The following RORA variants were observed in gnomAD, a reference collection of about 807,000 sequenced individuals.
The protein encoded by RORA is RAR related orphan receptor A, also known as nuclear receptor ROR-alpha.
In RORA, 7 loss-of-function variants were observed where a neutral mutation model predicts 69.5. The observed-to-expected ratio is 0.10, with a 90% CI of 0.06 to 0.19. The LOEUF is 0.19. Ranked by LOEUF, RORA falls within the 10% of genes least tolerant of loss-of-function variation. The pLI, the probability that RORA is intolerant of heterozygous loss-of-function variation, is 1.00. For synonymous variants in RORA, 261 were observed against 240.8 expected, an observed-to-expected ratio of 1.08 and a Z score of -0.78; for missense variants, 457 against 663.0, an observed-to-expected ratio of 0.69 and a Z score of 3.41.
At chr15:60,954,927 T>C (rs1373416398) in intron 1 of RORA, among the ~76,000 whole-genome samples, 1 of 152,198 alleles carries the variant, frequency 6.6e-6, no homozygotes, top group African/African-American at 2.4e-5. Flanking sequence ...CAATACATAC[T>C]TACTGAGGAA....
chr15:60,528,987 G>C (rs1283000594), intron 3 of RORA: 1 of 152,130 alleles, frequency 6.6e-6, no homozygotes, highest in East Asian at 1.9e-4. Flanking sequence ...GGATGAACTA[G>C]GAAGAGCCAG....
Position 60,628,560 on chromosome 15 carries a change from G to T in RORA, c.196+50097C>A, listed in dbSNP as rs141401340. On this transcript the variant is annotated intron_variant, in intron 2 of 10. Transcript: ENST00000335670. The stretch of plus-strand genomic sequence containing the variant: ...TTACATTTTTTTAAATACAGACAGG[G>T]TCTTGCCATCTTGCCAGGCTTGGTT... 7.2e-5 allele frequency among the ~76,000 whole-genome samples: 11 copies of T among 152,194 alleles called. No individual in the cohort carries two copies. The East Asian group carries it at 2.1e-3, about 29-fold the overall frequency.
intron 1 of RORA, among the ~76,000 whole-genome samples, chr15:60,810,238 G>T (rs2072722617): frequency 6.6e-6 from 1 of 152,152 alleles, no homozygotes; most frequent in South Asian, 2.1e-4. Context: ...GTTAGATAGA[G>T]AATTCTACAC....
intron 1 of RORA, among the ~76,000 whole-genome samples, chr15:61,137,552 A>C (rs2079257490): frequency 2.0e-4 from 1 of 4,962 alleles, no homozygotes; most frequent in South Asian, 0.12. Context: ...AAGTGGCATC[A>C]GCTTGCAGCA....
chr15:61,046,786 G>A (rs1324084241), intron 1 of RORA, among the ~76,000 whole-genome samples: 2 of 152,206 alleles, frequency 1.3e-5, no homozygotes, highest in East Asian at 3.9e-4. Context: ...GCCTTCAACA[G>A]AGAGGGAAGA....
At chr15:60,578,796 C>T (rs1379005141) in intron 2 of RORA, among the ~76,000 whole-genome samples, 4 of 146,758 alleles carry the variant, frequency 2.7e-5, no homozygotes, top group Non-Finnish European at 6.0e-5. Context: ...CAGAGTCTCG[C>T]TCTGTTGCCC....
At chr15:60,856,059 G>T (rs1309649731) in intron 1 of RORA, among the ~76,000 whole-genome samples, 3 of 152,096 alleles carry the variant, frequency 2.0e-5, no homozygotes, top group Non-Finnish European at 4.4e-5. Context: ...GCAACCTCAA[G>T]GGATCCTTAA....
At chr15:61,108,912 T>C (rs1269364319) in intron 1 of RORA, among the ~76,000 whole-genome samples, 1 of 152,162 alleles carries the variant, frequency 6.6e-6, no homozygotes, top group Non-Finnish European at 1.5e-5. Flanking sequence ...CATATGATGA[T>C]AACAGGTCAG....
intron 1 of RORA, among the ~76,000 whole-genome samples, chr15:60,996,061 CTTGTTTTTT>C (rs1456435930): frequency 7.1e-6 from 1 of 139,968 alleles, no homozygotes; most frequent in Non-Finnish European, 1.6e-5. Flanking sequence ...TGATCTAGAT[CTTGTTTTTT>C]GTTTTTTTTT....
rs562965968 is a variant in RORA, at chr15:61,016,318, T to A, written c.166+212735A>T. Reference sequence around the variant, plus strand: ...TCCTAGCAAATGCTAGCCACTAATATTATGGTTGCCGTCATCATTGCTTCT... The same window carrying A: ...TCCTAGCAAATGCTAGCCACTAATAATATGGTTGCCGTCATCATTGCTTCT... On this transcript the variant is annotated intron_variant, in intron 1 of 10. Transcript: ENST00000335670. Among the ~76,000 whole-genome samples the A allele has an allele frequency of 2.1e-4, 32 of 152,278 alleles. No homozygotes were observed. The South Asian group carries it at 6.2e-3, about 30-fold the overall frequency.
rs56774445 is a variant in RORA, at chr15:60,597,512, TACACACACACACAC to T, written c.197-65675_197-65662del. ...CTATACCTGGCAGTGGTACAGGAGA[TACACACACACACAC>T]ACACACACACACACACACACACAAC... On this transcript the variant is annotated intron_variant, in intron 2 of 10. Coordinates refer to ENST00000335670, the MANE Select transcript of RORA (RefSeq NM_134261.3). 1.9e-3 allele frequency among the ~76,000 whole-genome samples: 83 copies of T among 43,204 alleles called. 3 individuals carry two copies. The highest frequency in any genetic ancestry group is 0.04 in the Middle Eastern group (2 of 50). 28.3% of individuals were successfully genotyped at this position (43,204 alleles called of 152,430 possible).
chr15:60,549,913 A>G (rs752120784), intron 2 of RORA, among the ~76,000 whole-genome samples: 2 of 152,352 alleles, frequency 1.3e-5, no homozygotes, highest in Non-Finnish European at 2.9e-5. Flanking sequence ...AACATAGCTC[A>G]TTTTATGAAA....
At chr15:60,653,866 G>A (rs565363629) in intron 2 of RORA, among the ~76,000 whole-genome samples, 1 of 152,046 alleles carries the variant, frequency 6.6e-6, no homozygotes, top group East Asian at 1.9e-4. Flanking sequence ...TTTGCCTAAT[G>A]TTATGATTTG....
intron 2 of RORA, among the ~76,000 whole-genome samples, chr15:60,646,198 T>C (rs2140685376): frequency 6.6e-6 from 1 of 152,316 alleles, no homozygotes; most frequent in South Asian, 2.1e-4. Flanking sequence ...AATATGGGGG[T>C]AAACTCTGAA....
chr15:60,615,159 G>T, intron 2 of RORA: 2 of 1,147,042 alleles, frequency 1.7e-6, no homozygotes, highest in Non-Finnish European at 2.5e-6. Context: ...CCTCATCTTA[G>T]TGCTAGTGCA....
chr15:60,940,743 T>C (rs1183141948), intron 1 of RORA, among the ~76,000 whole-genome samples: 2 of 152,148 alleles, frequency 1.3e-5, no homozygotes, highest in Admixed American at 1.3e-4. Context: ...CTGGCCAACA[T>C]GGTGAAACCC....
At chr15:60,901,332 C>G (rs143688835) in intron 1 of RORA, among the ~76,000 whole-genome samples, 2 of 152,288 alleles carry the variant, frequency 1.3e-5, no homozygotes, top group Non-Finnish European at 2.9e-5. Flanking sequence ...CCACCACACC[C>G]AGCTAATTTT....
chr15:60,819,761 A>ACACACACACACACACACGCGCGCG (rs1846266624), intron 1 of RORA, among the ~76,000 whole-genome samples: 1 of 138,034 alleles, frequency 7.2e-6, no homozygotes, highest in African/African-American at 2.6e-5. Context: ...ACACACACAC[A>ACACACACACACACACACGCGCGCG]CACACACACA....
intron 1 of RORA, among the ~76,000 whole-genome samples, chr15:60,759,448 C>T (rs2071851362): frequency 6.6e-6 from 1 of 152,140 alleles, no homozygotes; most frequent in Admixed American, 6.6e-5. Flanking sequence ...GCAATGAATA[C>T]ATCATCAAAC....
Sources: allele counts gnomAD v4.1 joint callset (sites outside exome capture counted in the v4.1 genomes callset), GRCh38; gene constraint gnomAD v4.1.1; transcripts MANE v1.5; gene names NCBI Gene and HGNC (gene_info 2026-07-23, HGNC 2026-07-21).